The following MAFK variants were observed in gnomAD, a reference collection of about 807,000 sequenced individuals.
MAFK encodes the protein MAF bZIP transcription factor K.
In MAFK, 1 loss-of-function variant was observed where a neutral mutation model predicts 9.2. The ratio of observed to expected loss-of-function variants is 0.11; its 90% CI spans 0.04 to 0.52. MAFK has a LOEUF of 0.52. Among genes scored for constraint, MAFK ranks in the 20% least tolerant of loss-of-function variants. MAFK has a pLI of 0.94. For missense variants in MAFK, 207 were observed against 236.0 expected (o/e 0.88, Z 0.81); for synonymous variants, 110 against 107.4 (o/e 1.02, Z -0.15).
Position 1,538,193 on chromosome 7 carries a change from A to G in MAFK, c.-44-956A>G, listed in dbSNP as rs1186770662. 7 of 854,398 alleles carry G rather than the reference A, an allele frequency of 8.2e-6. 1 individual carries two copies. Among genetic ancestry groups the G allele is most frequent in the Non-Finnish European group, 8.4e-6 (6 of 710,354 alleles). 52.9% of individuals were successfully genotyped at this position (854,398 alleles called of 1,614,324 possible). A position where few individuals can be genotyped will look rare whatever the true frequency, so the allele number is the denominator to read the frequency against. ...AACTATCGGAGGGCTCATGCCGGGG[A>G]TGCTTTGGCTGGGTTTTTCATGAAT... On this transcript the variant is annotated intron_variant, in intron 1 of 2. Transcript: ENST00000343242.
At chr7:1,533,390 C>T (rs1783948007) in intron 1 of MAFK, among the ~76,000 whole-genome samples, 1 of 152,196 alleles carries the variant, frequency 6.6e-6, no homozygotes, top group Admixed American at 6.5e-5. Flanking sequence ...GCCCCCTGTC[C>T]CCAGAAGGAT....
Position 1,534,960 on chromosome 7 carries a change from G to A in MAFK, c.-45+4062G>A, listed in dbSNP as rs1488752935. Among the ~76,000 whole-genome samples the A allele has an allele frequency of 6.6e-6, 1 of 151,916 alleles. No homozygotes were observed. Among genetic ancestry groups the A allele is most frequent in the Non-Finnish European group, 1.5e-5 (1 of 67,976 alleles). On this transcript the variant is annotated intron_variant, in intron 1 of 2. Coordinates refer to ENST00000343242, the MANE Select transcript of MAFK (RefSeq NM_002360.4). The surrounding 1 kb of genome is among the most constrained non-coding windows in gnomAD (Gnocchi z 4.3). Reference sequence around the variant, plus strand: ...GCCCTGTCACTCAGGCTGCTGGAGTGCAGTGGTGTGATCACAGCTCACTGC... The same window carrying A: ...GCCCTGTCACTCAGGCTGCTGGAGTACAGTGGTGTGATCACAGCTCACTGC...
At chr7:1,535,884 C>T (rs1162640792) in intron 1 of MAFK, among the ~76,000 whole-genome samples, 11 of 152,220 alleles carry the variant, frequency 7.2e-5, no homozygotes, top group Admixed American at 6.5e-5. Flanking sequence ...AAGGGGCGCC[C>T]GGCGTCCTGG....
At chr7:1,539,347 A>G (rs1784116461) in intron 2 of MAFK, 119 bp downstream of exon 2, 2 of 789,002 alleles carry the variant, frequency 2.5e-6, no homozygotes, top group African/African-American at 1.7e-5. Flanking sequence ...CCCTGTTGCC[A>G]GGAGGAGGGG....
rs548891032 is a variant in MAFK at position 1,534,200 on chromosome 7, C to G, written c.-45+3302C>G. On this transcript the variant is annotated intron_variant, in intron 1 of 2. Coordinates refer to ENST00000343242, the MANE Select transcript of MAFK (RefSeq NM_002360.4). The surrounding 1 kb of genome is among the most constrained non-coding windows in gnomAD (Gnocchi z 4.3). The stretch of plus-strand genomic sequence containing the variant: ...ATGCTTAGTGGGGCTGTGTCCGGGA[C>G]AGCCGGACAGTGGGGGCCCTCGCAG... 2.2e-6 allele frequency: 1 copy of G among 454,236 alleles called. No homozygotes were observed. Among genetic ancestry groups the G allele is most frequent in the Admixed American group, 2.4e-5 (1 of 42,512 alleles). 28.1% of individuals were successfully genotyped at this position (454,236 alleles called of 1,614,324 possible).
intron 1 of MAFK, chr7:1,538,392 G>A: frequency 1.0e-6 from 1 of 985,540 alleles, no homozygotes; most frequent in Non-Finnish European, 1.2e-6. Context: ...TTGGGCCGCA[G>A]GGTCCTCGCT....
chr7:1,533,954 G>A (rs1783965139), intron 1 of MAFK: 1 of 299,154 alleles, frequency 3.3e-6, no homozygotes, highest in Admixed American at 4.2e-5. Context: ...GGACTGGAGG[G>A]GGTGTGGTGT....
chr7:1,536,063 C>T (rs534885621), intron 1 of MAFK, among the ~76,000 whole-genome samples: 2 of 152,364 alleles, frequency 1.3e-5, no homozygotes, highest in Admixed American at 1.3e-4. Context: ...CATCCGAAAA[C>T]CAGTTACCTG....
At chr7:1,537,527 C>A in intron 1 of MAFK, 1 of 985,514 alleles carries the variant, frequency 1.0e-6, no homozygotes, top group Non-Finnish European at 1.2e-6. Context: ...TGGGCCCCAG[C>A]CTCTCCACTG....
chr7:1,540,638 G>C lies in MAFK; in HGVS notation c.*263G>C. The C allele has an allele frequency of 2.0e-6, 1 of 490,014 alleles. No homozygotes were observed. Among genetic ancestry groups the C allele is most frequent in the Non-Finnish European group, 3.6e-6 (1 of 277,472 alleles). The allele number at this position is 490,014 out of a possible 1,614,324, so 30.4% of individuals were successfully genotyped here. On this transcript the variant is annotated 3_prime_UTR_variant, in exon 3 of 3. Transcript: ENST00000343242. ...CAGGATGTGTCTGTGTGTGGGAATT[G>C]GTATCTTGCACCCGTGGGAGTCGGG... is the stretch of plus-strand genomic sequence containing the variant.
chr7:1,533,058 T>C (rs1311127757), intron 1 of MAFK, among the ~76,000 whole-genome samples: 2 of 152,350 alleles, frequency 1.3e-5, no homozygotes, highest in East Asian at 3.9e-4. Flanking sequence ...ACTGGGAGTG[T>C]CGTCTTAAAA....
intron 1 of MAFK, among the ~76,000 whole-genome samples, chr7:1,535,235 C>T (rs1371570364): frequency 6.6e-6 from 1 of 152,092 alleles, no homozygotes; most frequent in African/African-American, 2.4e-5. Flanking sequence ...GAAAATGTTC[C>T]CTCCTGGACC....
Position 1,534,283 on chromosome 7 carries a change from C to A in MAFK, c.-45+3385C>A, listed in dbSNP as rs922576008. On this transcript the variant is annotated intron_variant, in intron 1 of 2. Transcript: ENST00000343242. This position sits in a 1 kb window ranked among gnomAD's most constrained non-coding sequence, Gnocchi z 4.3. ...TGGCTGGTCTCTGGGACCAGCTGGG[C>A]TGCAATTAGTCGGTTGACACCTGTT... 6 of 455,852 alleles carry A rather than the reference C, an allele frequency of 1.3e-5. No homozygotes were observed. The highest frequency in any genetic ancestry group is 9.3e-5 in the South Asian group (6 of 64,560). The allele number at this position is 455,852 out of a possible 1,614,324, so 28.2% of individuals were successfully genotyped here.
rs562350708 is a variant in MAFK, at chr7:1,538,278, T to G, written c.-44-871T>G. On this transcript the variant is annotated intron_variant, in intron 1 of 2. Transcript: ENST00000343242. ...CGGCGGGGGCGGCGGCGGGGACGACTCCCGCCAGACGGTCAAATGCTCGGC... is the reference window on the plus strand; with the variant it reads ...CGGCGGGGGCGGCGGCGGGGACGACGCCCGCCAGACGGTCAAATGCTCGGC... 72 of 985,356 alleles carry G rather than the reference T, an allele frequency of 7.3e-5. No homozygotes were observed. The African/African-American group carries it at 1.2e-3, about 17-fold the overall frequency. 61.0% of individuals were successfully genotyped at this position (985,356 alleles called of 1,614,324 possible). A position where few individuals can be genotyped will look rare whatever the true frequency, so the allele number is the denominator to read the frequency against.
intron 1 of MAFK, chr7:1,537,508 G>A (rs1009424353): frequency 3.0e-6 from 3 of 985,450 alleles, no homozygotes; most frequent in South Asian, 4.7e-5. Context: ...CCACGGTGGC[G>A]GAGGCAGCTG....
chr7:1,542,705 T>C lies in MAFK; in HGVS notation c.*2330T>C, dbSNP rs1011032680. The C allele has an allele frequency of 6.6e-6, 1 of 152,546 alleles. No homozygotes were observed. The highest frequency in any genetic ancestry group is 2.4e-5 in the African/African-American group (1 of 41,476). The allele number at this position is 152,546 out of a possible 1,614,324, so 9.4% of individuals were successfully genotyped here. ...ATTTAAGAAAAAGACGAGGGACTCTTTGTCACGTGGGTTTGTTTTCTGTCT... is the reference window on the plus strand; with the variant it reads ...ATTTAAGAAAAAGACGAGGGACTCTCTGTCACGTGGGTTTGTTTTCTGTCT... On this transcript the variant is annotated 3_prime_UTR_variant, in exon 3 of 3. Coordinates refer to ENST00000343242, the MANE Select transcript of MAFK (RefSeq NM_002360.4).
At chr7:1,536,047 C>T (rs1157112358) in intron 1 of MAFK, among the ~76,000 whole-genome samples, 3 of 152,244 alleles carry the variant, frequency 2.0e-5, no homozygotes, top group Non-Finnish European at 4.4e-5. Flanking sequence ...AAAACCCTGC[C>T]TCTTCCATCC....
In MAFK at chr7:1,540,553, C is replaced by T. The variant is rs900583881; in HGVS notation, c.*178C>T. 8 of 668,914 alleles carry T rather than the reference C, an allele frequency of 1.2e-5. No individual in the cohort carries two copies. Among genetic ancestry groups the T allele is most frequent in the African/African-American group, 5.6e-5 (3 of 54,016 alleles). 41.4% of individuals were successfully genotyped at this position (668,914 alleles called of 1,614,324 possible). A position where few individuals can be genotyped will look rare whatever the true frequency, so the allele number is the denominator to read the frequency against. On this transcript the variant is annotated 3_prime_UTR_variant, in exon 3 of 3. Coordinates refer to ENST00000343242, the MANE Select transcript of MAFK (RefSeq NM_002360.4). ...TATTGCAGGGTGAAGAGTGGGCTCC[C>T]GTGGGCCCAGAGCTGCACGCCGGTC...
chr7:1,532,936 G>A lies in MAFK; in HGVS notation c.-45+2038G>A, dbSNP rs187054432. ...ACAGTAAACAGTGACTCACCGCTCC[G>A]TCCCCACCCTCCCTGCTCTCCGCGA... is the stretch of plus-strand genomic sequence containing the variant. On this transcript the variant is annotated intron_variant, in intron 1 of 2. Transcript: ENST00000343242. The surrounding 1 kb of genome is among the most constrained non-coding windows in gnomAD (Gnocchi z 4.5). Among the ~76,000 whole-genome samples the A allele has an allele frequency of 3.9e-5, 6 of 152,250 alleles. No homozygotes were observed. In the East Asian group the frequency reaches 1.2e-3, roughly 29 times the overall value.
Sources: gnomAD v4.1 joint callset for allele counts (sites outside exome capture counted in the v4.1 genomes callset) on GRCh38, gnomAD v4.1.1 for gene constraint, Gnocchi (gnomAD v3.1) non-coding constraint, MANE v1.5 for transcripts, NCBI Gene and HGNC (gene_info 2026-07-23, HGNC 2026-07-21) for gene names.